NAALADL2: variants seen among roughly 807,000 people sequenced by gnomAD.
NAALADL2 encodes the protein N-acetylated alpha-linked acidic dipeptidase like 2, also known as inactive N-acetylated-alpha-linked acidic dipeptidase-like protein 2.
In NAALADL2, 76 loss-of-function variants were observed where a neutral mutation model predicts 87.2. That is an observed-to-expected ratio of 0.87 (90% CI 0.72 to 1.05). NAALADL2 has a LOEUF of 1.05. NAALADL2 is among the 50% of genes least tolerant of loss of function. The pLI is 0.00. For missense variants in NAALADL2, 1,089 were observed against 945.8 expected (o/e 1.15, Z -1.99); for synonymous variants, 354 against 331.0 (o/e 1.07, Z -0.75).
At chr3:175,378,824 T>C (rs982892746) in intron 5 of NAALADL2, among the ~76,000 whole-genome samples, 1 of 152,214 alleles carries the variant, frequency 6.6e-6, no homozygotes, top group Non-Finnish European at 1.5e-5. Flanking sequence ...CTGGGAGAGA[T>C]AATCCTGCAC....
Position 174,456,285 on chromosome 3 carries a change from C to G in NAALADL2, c.-184+15253C>G, listed in dbSNP as rs150789059. Among the ~76,000 whole-genome samples, 1,513 of 151,952 alleles carry G rather than the reference C, an allele frequency of 1.0e-2. 32 individuals are homozygous for G. The highest frequency in any genetic ancestry group is 0.035 in the African/African-American group (1,456 of 41,424). On this transcript the variant is annotated intron_variant, in intron 1 of 3. Coordinates refer to the NAALADL2 transcript ENST00000434257. ...ATGTTGTTAAAATGACCATACTGCC[C>G]AAAGCAATTTATAGATTCAATGCTA...
intron 1 of NAALADL2, among the ~76,000 whole-genome samples, chr3:174,509,641 T>C (rs1167453721): frequency 6.8e-6 from 1 of 146,584 alleles, no homozygotes; most frequent in Non-Finnish European, 1.5e-5. Flanking sequence ...TTGGCTAGGA[T>C]GGTCTTGATC....
intron 3 of NAALADL2, among the ~76,000 whole-genome samples, chr3:174,745,344 A>G (rs1734152069): frequency 6.6e-6 from 1 of 152,168 alleles, no homozygotes; most frequent in Non-Finnish European, 1.5e-5. Flanking sequence ...AAGATCTAAA[A>G]AAAACTGATA....
At chr3:175,085,072 G>C (rs893202448) in intron 1 of NAALADL2, among the ~76,000 whole-genome samples, 1 of 152,122 alleles carries the variant, frequency 6.6e-6, no homozygotes, top group Non-Finnish European at 1.5e-5. Flanking sequence ...GTTGAGTTAT[G>C]TTCTCCTGTG....
At chr3:175,265,120 A>G (rs1751702217) in intron 4 of NAALADL2, among the ~76,000 whole-genome samples, 1 of 151,638 alleles carries the variant, frequency 6.6e-6, no homozygotes, top group Non-Finnish European at 1.5e-5. Context: ...ATATTTTCCT[A>G]GTGGTTACTA....
chr3:175,245,823 T>G (rs1171025421), intron 3 of NAALADL2, among the ~76,000 whole-genome samples: 1 of 152,216 alleles, frequency 6.6e-6, no homozygotes, highest in Non-Finnish European at 1.5e-5. Flanking sequence ...TCTAATGGAT[T>G]GGAGGTCCAT....
chr3:175,143,897 T>G (rs780868163), intron 2 of NAALADL2, among the ~76,000 whole-genome samples: 19 of 151,958 alleles, frequency 1.3e-4, no homozygotes, highest in Non-Finnish European at 2.2e-4. Flanking sequence ...TTCCCTCTAC[T>G]TCACTATGCT....
At chr3:175,584,483 T>C (rs1052921256) in intron 10 of NAALADL2, among the ~76,000 whole-genome samples, 6 of 152,244 alleles carry the variant, frequency 3.9e-5, no homozygotes, top group Admixed American at 1.3e-4. Context: ...TCTCTACTTT[T>C]ATGCTGTTTC....
At chr3:175,761,310 A>G (rs1390828614) in intron 13 of NAALADL2, among the ~76,000 whole-genome samples, 1 of 152,216 alleles carries the variant, frequency 6.6e-6, no homozygotes, top group Non-Finnish European at 1.5e-5. Flanking sequence ...ATAGTACAGT[A>G]TGCAACCTTG....
At chr3:175,300,687 T>A (rs1046741625) in intron 4 of NAALADL2, among the ~76,000 whole-genome samples, 2 of 151,792 alleles carry the variant, frequency 1.3e-5, no homozygotes, top group Non-Finnish European at 2.9e-5. Context: ...TTTTCTTCTT[T>A]ATAGTCTGGC....
chr3:175,214,217 G>T (rs1169215990), intron 2 of NAALADL2, among the ~76,000 whole-genome samples: 1 of 151,940 alleles, frequency 6.6e-6, no homozygotes, highest in Non-Finnish European at 1.5e-5. Flanking sequence ...TAAATCAATG[G>T]TATTCAACTT....
intron 2 of NAALADL2, among the ~76,000 whole-genome samples, chr3:174,692,888 A>G (rs73046387): frequency 0.043 from 5,864 of 135,354 alleles, 262 homozygotes; most frequent in African/African-American, 0.12. Context: ...TTGTTCCTGA[A>G]CTCAACTTGA....
intron 11 of NAALADL2, among the ~76,000 whole-genome samples, chr3:175,659,405 A>G (rs1303451098): frequency 6.6e-6 from 1 of 152,196 alleles, no homozygotes; most frequent in East Asian, 1.9e-4. Flanking sequence ...ATTTCATCCC[A>G]GGATATTATT....
rs116651494 is a variant in NAALADL2, at chr3:174,800,213, C to T, written c.-9+62467C>T. On this transcript the variant is annotated intron_variant, in intron 3 of 3. Transcript: ENST00000434257. ...AGGAGCTGAATGTTAATCACCAAGA[C>T]GATGGAGAAAATATCACCAGGGCAT... 8.2e-3 allele frequency among the ~76,000 whole-genome samples: 1,243 copies of T among 152,134 alleles called. 12 individuals carry two copies. Among genetic ancestry groups the T allele is most frequent in the Middle Eastern group, 0.024 (7 of 294 alleles).
intron 2 of NAALADL2, among the ~76,000 whole-genome samples, chr3:174,621,923 A>T (rs1045247309): frequency 6.6e-6 from 1 of 152,174 alleles, no homozygotes; most frequent in African/African-American, 2.4e-5. Context: ...TCATAATTTC[A>T]TTAGCATTCA....
chr3:175,611,947 G>A (rs910618738), intron 10 of NAALADL2, among the ~76,000 whole-genome samples: 2 of 152,194 alleles, frequency 1.3e-5, no homozygotes, highest in African/African-American at 2.4e-5. Context: ...TTGATTTCCA[G>A]TTGAATAAAT....
At chr3:175,224,772 C>A (rs78272269) in intron 2 of NAALADL2, among the ~76,000 whole-genome samples, 1,849 of 152,230 alleles carry the variant, frequency 0.012, 43 homozygotes, top group African/African-American at 0.043. Context: ...AGATGAAGCA[C>A]GTAAATAACT....
chr3:174,882,603 A>ATGTG (rs1729410884), intron 1 of NAALADL2, among the ~76,000 whole-genome samples: 2 of 134,868 alleles, frequency 1.5e-5, no homozygotes, highest in African/African-American at 6.6e-5. Flanking sequence ...ATATACACAT[A>ATGTG]CATATATGTG....
chr3:175,083,317 T>C (rs116060663), intron 1 of NAALADL2, among the ~76,000 whole-genome samples: 3,171 of 152,322 alleles, frequency 0.021, 52 homozygotes, highest in Admixed American at 0.031. Flanking sequence ...TCATGATGCA[T>C]ATTTATCTCC....
Sources: gnomAD v4.1 joint callset for allele counts (sites outside exome capture counted in the v4.1 genomes callset) on GRCh38, gnomAD v4.1.1 for gene constraint, MANE v1.5 for transcripts, NCBI Gene and HGNC (gene_info 2026-07-23, HGNC 2026-07-21) for gene names.